The following TNRC6B variants were observed in gnomAD, a reference collection of about 807,000 sequenced individuals.
TNRC6B encodes the protein trinucleotide repeat containing adaptor 6B.
A neutral mutation model predicts 203.6 loss-of-function variants in TNRC6B; 52 were observed. The ratio of observed to expected loss-of-function variants is 0.26; its 90% confidence interval spans 0.20 to 0.32. The LOEUF (loss-of-function observed/expected upper bound fraction) is 0.32, where lower values mean the gene tolerates loss of function less well. TNRC6B is among the 10% of genes least tolerant of loss of function. The pLI is 1.00. For synonymous variants in TNRC6B, 838 were observed against 845.7 expected, an observed-to-expected ratio of 0.99 and a Z score of 0.16; for missense variants, 1,923 against 2,286.2, an observed-to-expected ratio of 0.84 and a Z score of 3.24.
At chr22:40,176,259 G>C (rs1400247866), upstream of TNRC6B, among the ~76,000 whole-genome samples, 1 of 151,762 alleles carries the variant, frequency 6.6e-6, no homozygotes, top group Admixed American at 6.6e-5. Context: ...CTCCCTAGTA[G>C]CTGGGATTAC....
rs1342828019 is a variant in TNRC6B at position 40,214,535 on chromosome 22, T to C, written c.6-31480T>C. Reference sequence around the variant, plus strand: ...AATCTCTGTGTGGTATTCCTTGCCTTCTTTCTTTCTGTGGTTTTTTTTTTT... The same window carrying C: ...AATCTCTGTGTGGTATTCCTTGCCTCCTTTCTTTCTGTGGTTTTTTTTTTT... On this transcript the variant is annotated intron_variant, in intron 1 of 22. Transcript: ENST00000454349. Among the ~76,000 whole-genome samples the C allele has an allele frequency of 1.9e-4, 25 of 130,134 alleles. 1 individual carries two copies. The highest frequency in any genetic ancestry group is 9.4e-5 in the Non-Finnish European group (6 of 63,670). 85.4% of individuals were successfully genotyped at this position (130,134 alleles called of 152,430 possible).
At position 40,334,339 on chromosome 22, in the gene TNRC6B, A is replaced by G. The variant is rs2044011432; in HGVS notation, c.*11098A>G. The G allele has an allele frequency of 6.6e-6, 1 of 152,660 alleles. No homozygotes were observed. Among genetic ancestry groups the G allele is most frequent in the South Asian group, 2.1e-4 (1 of 4,828 alleles). The allele number at this position is 152,660 out of a possible 1,614,324, so 9.5% of individuals were successfully genotyped here. On this transcript the variant is annotated 3_prime_UTR_variant, in exon 23 of 23. Transcript: ENST00000454349. ...ATTCTGCACCCTTGGCCTTAATCTC[A>G]GTATGACTTAAGGTGCAGGAACATT...
In TNRC6B at chr22:40,326,903, T is replaced by G. The variant is rs2071410362; in HGVS notation, c.*3662T>G. 1 of 152,652 alleles carries G rather than the reference T, an allele frequency of 6.6e-6. No individual in the cohort carries two copies. Among genetic ancestry groups the G allele is most frequent in the African/African-American group, 2.4e-5 (1 of 41,450 alleles). 9.5% of individuals were successfully genotyped at this position (152,652 alleles called of 1,614,324 possible). A position where few individuals can be genotyped will look rare whatever the true frequency, so the allele number is the denominator to read the frequency against. ...TCTAATAAGGAACAAGTGATTTTAC[T>G]TTTTTAGCTCCCAGCTACTGTTGTG... On this transcript the variant is annotated 3_prime_UTR_variant, in exon 23 of 23. Coordinates refer to ENST00000454349, the MANE Select transcript of TNRC6B (RefSeq NM_001162501.2).
intron 3 of TNRC6B, chr22:40,253,491 C>T (rs2070224604): frequency 2.2e-6 from 1 of 448,306 alleles, no homozygotes; most frequent in Admixed American, 2.4e-5. Context: ...ACTTTCCTTT[C>T]TACTCACCAC....
At chr22:40,195,285 A>T (rs1439849274) in intron 1 of TNRC6B, among the ~76,000 whole-genome samples, 1 of 152,226 alleles carries the variant, frequency 6.6e-6, no homozygotes, top group Non-Finnish European at 1.5e-5. Context: ...TATTTCAGAT[A>T]TTGAAAATAT....
intron 15 of TNRC6B, among the ~76,000 whole-genome samples, chr22:40,307,320 C>T (rs1252080210): frequency 6.6e-6 from 1 of 152,090 alleles, no homozygotes; most frequent in Non-Finnish European, 1.5e-5. Context: ...GCTGGAGTTG[C>T]ACATCTTGGG....
chr22:40,173,913 C>T (rs2069030891), upstream of TNRC6B, among the ~76,000 whole-genome samples: 1 of 145,034 alleles, frequency 6.9e-6, no homozygotes. Flanking sequence ...AAGTAATTGT[C>T]CTGCCTTAGC....
At chr22:40,310,051 A>G (rs2071153048) in intron 16 of TNRC6B, among the ~76,000 whole-genome samples, 1 of 152,234 alleles carries the variant, frequency 6.6e-6, no homozygotes, top group South Asian at 2.1e-4. Context: ...ATTTTATTCA[A>G]AGTGCATGTT....
intron 2 of TNRC6B, chr22:40,246,448 G>A (rs5757892): frequency 0.32 from 54,529 of 169,482 alleles, 10,665 homozygotes; most frequent in East Asian, 0.56. Flanking sequence ...TGGCCCCCCA[G>A]AGTGCTGAGA....
Position 40,111,885 on chromosome 22 carries a change from G to A in TNRC6B, c.-120-5170G>A, listed in dbSNP as rs184055421. On this transcript the variant is annotated intron_variant, in intron 1 of 23. Coordinates refer to the TNRC6B transcript ENST00000301923. ...TGGGAGGCCGAGGCGGGTGGATCACGAGGTCAGGAGTTCAAGGCCAGCCTG... is the reference window on the plus strand; with the variant it reads ...TGGGAGGCCGAGGCGGGTGGATCACAAGGTCAGGAGTTCAAGGCCAGCCTG... Among the ~76,000 whole-genome samples the A allele has an allele frequency of 6.8e-3, 1,034 of 152,264 alleles. 43 individuals are homozygous for A. Among genetic ancestry groups the A allele is most frequent in the Admixed American group, 0.062 (943 of 15,298 alleles).
upstream of TNRC6B, chr22:40,177,833 A>C (rs1601861152): frequency 2.3e-6 from 3 of 1,306,674 alleles, no homozygotes; most frequent in Non-Finnish European, 1.9e-6. Flanking sequence ...AGGCAGTCTC[A>C]GCTCCAGCTC....
In TNRC6B at chr22:40,281,304, C is replaced by T. The variant is rs778372381; in HGVS notation, c.3582+15C>T. On this transcript the variant is annotated intron_variant, in intron 11 of 22. Transcript: ENST00000454349. Reference sequence around the variant, plus strand: ...CTGCTAGACAAGTAAGGAGGCCTCTCAAATTTATAACTGCTTGGCTATGGC... The same window carrying T: ...CTGCTAGACAAGTAAGGAGGCCTCTTAAATTTATAACTGCTTGGCTATGGC... 3 of 1,533,074 alleles carry T rather than the reference C, an allele frequency of 2.0e-6. No individual in the cohort carries two copies. The highest frequency in any genetic ancestry group is 2.5e-5 in the South Asian group (2 of 81,482). 95.0% of individuals were successfully genotyped at this position (1,533,074 alleles called of 1,614,324 possible).
intron 1 of TNRC6B, among the ~76,000 whole-genome samples, chr22:40,210,316 G>A (rs189306384): frequency 1.5e-4 from 23 of 152,230 alleles, no homozygotes; most frequent in Admixed American, 5.2e-4. Flanking sequence ...CTCAGATTCT[G>A]TGGGAATATA....
intron 12 of TNRC6B, among the ~76,000 whole-genome samples, chr22:40,292,712 C>T (rs955675312): frequency 4.6e-5 from 7 of 152,204 alleles, no homozygotes; most frequent in South Asian, 2.1e-4. Context: ...AGCCTAGTGG[C>T]GCTTTTCCCT....
chr22:40,280,171 T>C (rs1403795099), intron 10 of TNRC6B, 28 bp downstream of exon 10: 7 of 1,600,688 alleles, frequency 4.4e-6, no homozygotes, highest in Admixed American at 1.7e-5. Flanking sequence ...TTTAAGATAA[T>C]AATTCATGAG....
intron 1 of TNRC6B, among the ~76,000 whole-genome samples, chr22:40,062,499 G>A (rs557401635): frequency 1.3e-5 from 2 of 152,260 alleles, no homozygotes; most frequent in Non-Finnish European, 2.9e-5. Flanking sequence ...GTGAGCCACT[G>A]CCCCTGGCCA....
chr22:40,225,462 C>G lies in TNRC6B; in HGVS notation c.6-20553C>G, dbSNP rs373534185. ...ACATATTTGAGGCCGGGTGCAGTGG[C>G]TCACGCCAGTAATCCCAGCACTTCG... On this transcript the variant is annotated intron_variant, in intron 1 of 22. Coordinates refer to ENST00000454349, the MANE Select transcript of TNRC6B (RefSeq NM_001162501.2). Among the ~76,000 whole-genome samples, 61 of 152,302 alleles carry G rather than the reference C, an allele frequency of 4.0e-4. 1 individual carries two copies. The South Asian group carries it at 8.3e-3, about 21-fold the overall frequency.
intron 11 of TNRC6B, among the ~76,000 whole-genome samples, chr22:40,285,142 G>T (rs993020798): frequency 4.6e-5 from 7 of 152,150 alleles, no homozygotes; most frequent in African/African-American, 1.7e-4. Flanking sequence ...ATCTGTCAAA[G>T]AAAGGATTGA....
chr22:40,301,235 T>C lies in TNRC6B; in HGVS notation c.4022T>C (p.Val1341Ala). ...ATGAAGCACTCGCCCTCTCATCCTG[T>C]TGGGCCCAAGCCGCATCTGGACAAC... ...PGMKHSPSHP[V>A]GPKPHLDNMV... is the part of the protein sequence containing the mutation. The change falls in exon 15 of 23, where the codon GTT (valine) becomes GCT (alanine). Residue 1341 changes from valine (V) to alanine (A), a missense_variant. Physicochemically the swap from Val to Ala is moderately conservative, Grantham distance 64. This residue lies in a region of TNRC6B where 242 missense variants were observed against 399.5 expected (regional missense o/e 0.61). Transcript: ENST00000454349. The C allele has an allele frequency of 1.3e-6, 2 of 1,562,166 alleles. No individual in the cohort carries two copies. Among genetic ancestry groups the C allele is most frequent in the Non-Finnish European group, 8.7e-7 (1 of 1,152,314 alleles).
Sources: allele counts gnomAD v4.1 joint callset (sites outside exome capture counted in the v4.1 genomes callset), GRCh38; gene constraint gnomAD v4.1.1; regional missense constraint gnomAD v4.1.1; transcripts MANE v1.5; gene names NCBI Gene and HGNC (gene_info 2026-07-23, HGNC 2026-07-21).